COG6: variants seen among roughly 807,000 people sequenced by gnomAD.
COG6 encodes the protein component of oligomeric golgi complex 6.
COG6 carries 74 observed loss-of-function variants against 88.8 expected under a neutral mutation model. That is an observed-to-expected ratio of 0.83 (90% CI 0.69 to 1.01). The LOEUF (loss-of-function observed/expected upper bound fraction) is 1.01. COG6 is among the 50% of genes least tolerant of loss of function. COG6 has a pLI of 0.00. For synonymous variants in COG6, 286 were observed against 278.7 expected (o/e 1.03, Z -0.26); for missense variants, 800 against 797.9 (o/e 1.00, Z -0.03).
At chr13:39,754,955 A>G (rs1880786526), downstream of COG6, among the ~76,000 whole-genome samples, 1 of 152,210 alleles carries the variant, frequency 6.6e-6, no homozygotes, top group African/African-American at 2.4e-5. Context: ...CCACAACTGT[A>G]CATTGTTCAG....
intron 18 of COG6, among the ~76,000 whole-genome samples, chr13:39,741,182 A>G (rs1256370083): frequency 1.3e-5 from 2 of 152,138 alleles, no homozygotes. Flanking sequence ...ATTTAGTTAC[A>G]TATCTAGAGA....
intron 13 of COG6, among the ~76,000 whole-genome samples, chr13:39,714,918 G>T (rs1158778656): frequency 6.6e-6 from 1 of 152,130 alleles, no homozygotes; most frequent in African/African-American, 2.4e-5. Flanking sequence ...CTTGAATGGA[G>T]CAGGAGGCCA....
intron 18 of COG6, among the ~76,000 whole-genome samples, chr13:39,728,341 A>G (rs928573875): frequency 6.6e-6 from 1 of 152,238 alleles, no homozygotes; most frequent in Non-Finnish European, 1.5e-5. Flanking sequence ...ATGTAATGTT[A>G]TAGAGGTGAT....
chr13:39,779,356 GTC>G (rs2138186304), intron 18 of COG6, among the ~76,000 whole-genome samples: 1 of 152,334 alleles, frequency 6.6e-6, no homozygotes, highest in Non-Finnish European at 1.5e-5. Flanking sequence ...AGTCACGTGT[GTC>G]TCTTAAATCG....
intron 18 of COG6, among the ~76,000 whole-genome samples, chr13:39,764,643 G>C (rs1407504501): frequency 6.6e-6 from 1 of 151,886 alleles, no homozygotes; most frequent in Non-Finnish European, 1.5e-5. Context: ...AGATTACTTA[G>C]AAATATATTT....
chr13:39,728,108 T>C (rs1396058678), intron 18 of COG6, among the ~76,000 whole-genome samples: 1 of 152,056 alleles, frequency 6.6e-6, no homozygotes, highest in Non-Finnish European at 1.5e-5. Context: ...GGTAAGAAAT[T>C]AGGCAACATT....
At chr13:39,670,720 T>C (rs1032481782) in intron 4 of COG6, among the ~76,000 whole-genome samples, 3 of 152,110 alleles carry the variant, frequency 2.0e-5, no homozygotes, top group African/African-American at 7.2e-5. Context: ...TTTTGCTCTG[T>C]CATCTAGGAA....
At chr13:39,663,123 TAACTC>T (rs1875017379) in intron 3 of COG6, among the ~76,000 whole-genome samples, 1 of 151,808 alleles carries the variant, frequency 6.6e-6, no homozygotes, top group African/African-American at 2.4e-5. Context: ...TGTTTATTAT[TAACTC>T]AAAAATAATC....
At chr13:39,727,833 G>A (rs973429872) in intron 18 of COG6, among the ~76,000 whole-genome samples, 2 of 151,906 alleles carry the variant, frequency 1.3e-5, no homozygotes, top group African/African-American at 2.4e-5. Context: ...ATTCCCTTAC[G>A]TTAACAAACA....
rs116407896 is a variant in COG6 at position 39,674,920 on chromosome 13, A to T, written c.429-2548A>T. Reference sequence around the variant, plus strand: ...GGGTCTTGGACTATATCCCCCGAGGATAAGGGGGGACCATTGTAATTACTT... The same window carrying T: ...GGGTCTTGGACTATATCCCCCGAGGTTAAGGGGGGACCATTGTAATTACTT... On this transcript the variant is annotated intron_variant, in intron 4 of 18. Transcript: ENST00000455146. Among the ~76,000 whole-genome samples, 704 of 152,190 alleles carry T rather than the reference A, an allele frequency of 4.6e-3. 6 individuals carry two copies. The highest frequency in any genetic ancestry group is 0.016 in the African/African-American group (651 of 41,538).
intron 18 of COG6, among the ~76,000 whole-genome samples, chr13:39,732,365 A>G (rs555431384): frequency 2.0e-5 from 3 of 152,360 alleles, no homozygotes; most frequent in East Asian, 1.9e-4. Context: ...TGTAACATCT[A>G]TAATGCTAAG....
In COG6 at chr13:39,674,640, A is replaced by C. The variant is rs558347219; in HGVS notation, c.429-2828A>C. ...GTTTCCATTACTTATGGTCAACTGCAGTCTGAAAGTAATAAATGGAGAATT... is the reference window on the plus strand; with the variant it reads ...GTTTCCATTACTTATGGTCAACTGCCGTCTGAAAGTAATAAATGGAGAATT... On this transcript the variant is annotated intron_variant, in intron 4 of 18. Transcript: ENST00000455146. 6.5e-4 allele frequency among the ~76,000 whole-genome samples: 99 copies of C among 152,326 alleles called. 1 individual carries two copies. The South Asian group carries it at 0.017, about 26-fold the overall frequency.
At chr13:39,698,451 G>T (rs562341582) in intron 12 of COG6, among the ~76,000 whole-genome samples, 15 of 151,774 alleles carry the variant, frequency 9.9e-5, no homozygotes, top group Middle Eastern at 3.4e-3. Context: ...CTAGTATTTT[G>T]CTGTTTGCTA....
intron 16 of COG6, among the ~76,000 whole-genome samples, chr13:39,724,176 C>A (rs566598521): frequency 2.6e-4 from 39 of 152,116 alleles, no homozygotes; most frequent in Admixed American, 1.8e-3. Context: ...TCTGTACTTT[C>A]TAAAAGTATC....
In COG6 at chr13:39,655,691, G is replaced by A. The variant is rs911949995; in HGVS notation, c.-36G>A. Reference sequence around the variant, plus strand: ...GCGCTGCCTCCGTGGTCCCTGCCTGGCTGAGGTGGCAGCAGGGGGCGGGAC... The same window carrying A: ...GCGCTGCCTCCGTGGTCCCTGCCTGACTGAGGTGGCAGCAGGGGGCGGGAC... On this transcript the variant is annotated 5_prime_UTR_variant, in exon 1 of 19. Coordinates refer to ENST00000455146, the MANE Select transcript of COG6 (RefSeq NM_020751.3). The A allele has an allele frequency of 1.1e-5, 17 of 1,554,654 alleles. No homozygotes were observed. Among genetic ancestry groups the A allele is most frequent in the African/African-American group, 7.1e-5 (5 of 70,248 alleles).
chr13:39,724,022 G>C (rs1199567272), intron 16 of COG6, among the ~76,000 whole-genome samples: 1 of 151,934 alleles, frequency 6.6e-6, no homozygotes, highest in African/African-American at 2.4e-5. Flanking sequence ...AGAAAGCAAA[G>C]AACTCATTCA....
At chr13:39,692,459 G>T (rs1267754985) in intron 11 of COG6, among the ~76,000 whole-genome samples, 2 of 152,076 alleles carry the variant, frequency 1.3e-5, no homozygotes, top group East Asian at 3.9e-4. Flanking sequence ...AAAGATCAAT[G>T]ACATGGAAAA....
chr13:39,764,122 A>C (rs570832959), intron 18 of COG6, among the ~76,000 whole-genome samples: 21 of 151,782 alleles, frequency 1.4e-4, no homozygotes, highest in Non-Finnish European at 3.0e-4. Context: ...TTCTTGTGTC[A>C]GTTTTGGTAA....
chr13:39,723,886 G>A (rs560550928), intron 16 of COG6, among the ~76,000 whole-genome samples: 2 of 152,016 alleles, frequency 1.3e-5, no homozygotes, highest in East Asian at 1.9e-4. Flanking sequence ...TTAGCAAATT[G>A]TTGCCCATTA....
Sources: allele counts gnomAD v4.1 joint callset (sites outside exome capture counted in the v4.1 genomes callset), GRCh38; gene constraint gnomAD v4.1.1; transcripts MANE v1.5; gene names NCBI Gene and HGNC (gene_info 2026-07-23, HGNC 2026-07-21).